Variants in HAVCR1 observed in about 807,000 individuals in gnomAD.
HAVCR1 encodes the protein T cell immunoglobin domain and mucin domain protein 1.
A neutral mutation model predicts 32.0 loss-of-function variants in HAVCR1; 34 were observed. The ratio of observed to expected loss-of-function variants is 1.06; its 90% CI spans 0.81 to 1.42. The LOEUF (loss-of-function observed/expected upper bound fraction) is 1.42. Among genes scored for constraint, HAVCR1 ranks in the 40% most tolerant of loss-of-function variants. The pLI is 0.00. For missense variants in HAVCR1, 420 were observed against 442.3 expected (o/e 0.95, Z 0.45); for synonymous variants, 178 against 170.3 (o/e 1.05, Z -0.35).
At chr5:157,044,473 AAGGAAGGAAGG>A (rs1561590458) in intron 5 of HAVCR1, among the ~76,000 whole-genome samples, 1,183 of 45,326 alleles carry the variant, frequency 0.026, 107 homozygotes, top group Middle Eastern at 0.043. Flanking sequence ...GAAAGAAAGG[AAGGAAGGAAGG>A]AAGGAAGGAA....
chr5:157,044,615 G>GAGAA (rs1554090477), intron 5 of HAVCR1, among the ~76,000 whole-genome samples: 609 of 52,626 alleles, frequency 0.012, 10 homozygotes, highest in South Asian at 0.017. Flanking sequence ...AAGAAAGAAA[G>GAGAA]AGAAAGAAAG....
chr5:157,046,752 C>A (rs116311546), intron 5 of HAVCR1, among the ~76,000 whole-genome samples: 3 of 152,080 alleles, frequency 2.0e-5, no homozygotes, highest in African/African-American at 7.2e-5. Context: ...GGGGAAGGGT[C>A]AAACAAGTTC....
In HAVCR1 at chr5:157,039,566, C is replaced by G. The variant is rs558420087; in HGVS notation, c.838-2205G>C. ...GTTTCATCATATTGGTCAGGCTGGTCTCAAACTCCTGACCTCAGGTGATCC... is the reference window on the plus strand; with the variant it reads ...GTTTCATCATATTGGTCAGGCTGGTGTCAAACTCCTGACCTCAGGTGATCC... On this transcript the variant is annotated intron_variant, in intron 6 of 8. Transcript: ENST00000523175. Among the ~76,000 whole-genome samples the G allele has an allele frequency of 1.1e-3, 163 of 152,300 alleles. 3 individuals carry two copies. The South Asian group carries it at 0.019, about 18-fold the overall frequency.
In HAVCR1 at chr5:157,052,348, A is replaced by C. The variant is rs1351704802; in HGVS notation, c.673+13T>G. On this transcript the variant is annotated intron_variant, in intron 4 of 8. Transcript: ENST00000523175. ...TTAGAAGGCCTTTGGGCTTCCAAAC[A>C]CATCTGTTTTACCTGGTTCATGGTT... 1.9e-6 allele frequency: 3 copies of C among 1,612,938 alleles called. No homozygotes were observed. Among genetic ancestry groups the C allele is most frequent in the South Asian group, 1.1e-5 (1 of 91,056 alleles).
At chr5:157,040,253 G>A (rs371833532) in intron 6 of HAVCR1, among the ~76,000 whole-genome samples, 97 of 151,818 alleles carry the variant, frequency 6.4e-4, no homozygotes, top group African/African-American at 2.1e-3. Flanking sequence ...AGCCAAGATC[G>A]CGCCATTGCC....
At chr5:157,047,377 C>T (rs182640574) in intron 5 of HAVCR1, among the ~76,000 whole-genome samples, 1 of 152,202 alleles carries the variant, frequency 6.6e-6, no homozygotes, top group East Asian at 1.9e-4. Flanking sequence ...CATGATGAAA[C>T]CCCATCTCTA....
chr5:157,061,838 T>C (rs113733334), upstream of HAVCR1, among the ~76,000 whole-genome samples: 2,143 of 151,888 alleles, frequency 0.014, 55 homozygotes, highest in African/African-American at 0.049. Context: ...GAAGAATGGG[T>C]GGAGGGTGTT....
intron 4 of HAVCR1, 98 bp downstream of exon 4, chr5:157,052,263 C>G (rs962830686): frequency 1.9e-6 from 2 of 1,058,692 alleles, no homozygotes; most frequent in Non-Finnish European, 1.4e-6. Context: ...AGGTAAGACC[C>G]CTCACTCTAG....
chr5:157,040,905 A>T (rs1269328618), intron 6 of HAVCR1, among the ~76,000 whole-genome samples: 8 of 152,082 alleles, frequency 5.3e-5, no homozygotes, highest in Admixed American at 5.2e-4. Context: ...TGTCTCAAAA[A>T]TAAATAAATA....
intron 6 of HAVCR1, among the ~76,000 whole-genome samples, chr5:157,042,214 G>A (rs1291180550): frequency 3.3e-5 from 5 of 151,924 alleles, no homozygotes; most frequent in East Asian, 1.9e-4. Context: ...ATCCCGAGGC[G>A]GGCGGATCAT....
the HAVCR1 span, among the ~76,000 whole-genome samples, chr5:157,067,131 T>A: frequency 6.6e-6 from 1 of 152,334 alleles, no homozygotes; most frequent in African/African-American, 2.4e-5. Flanking sequence ...CACTCAGGTA[T>A]CACTGGAAGT....
chr5:157,036,931 G>A (rs1461561196), intron 7 of HAVCR1, among the ~76,000 whole-genome samples: 1 of 151,546 alleles, frequency 6.6e-6, no homozygotes, highest in East Asian at 1.9e-4. Flanking sequence ...CCACCATGTT[G>A]TTCAGGCTAG....
At chr5:157,030,579 G>A (rs908653341) in intron 8 of HAVCR1, among the ~76,000 whole-genome samples, 1 of 151,090 alleles carries the variant, frequency 6.6e-6, no homozygotes, top group African/African-American at 2.4e-5. Flanking sequence ...CTTGAACCCA[G>A]GAGGTAGAGG....
intron 6 of HAVCR1, among the ~76,000 whole-genome samples, chr5:157,039,585 G>A (rs1754745120): frequency 1.3e-5 from 2 of 152,140 alleles, no homozygotes; most frequent in Non-Finnish European, 1.5e-5. Context: ...CTGACCTCAG[G>A]TGATCCACCT....
chr5:157,055,666 G>A, intron 2 of HAVCR1, 133 bp from the exon 3 acceptor site: 1 of 556,562 alleles, frequency 1.8e-6, no homozygotes, highest in Non-Finnish European at 3.2e-6. Flanking sequence ...AGGAGTTCAA[G>A]ACCAGCCTAG....
intron 1 of HAVCR1, 85 bp from the exon 2 acceptor site, chr5:157,058,040 T>C (rs1561606975): frequency 4.2e-6 from 4 of 944,412 alleles, no homozygotes; most frequent in Admixed American, 1.8e-5. Context: ...TTGCAACTTA[T>C]CTTTTCACCC....
At chr5:157,064,544 A>C in the HAVCR1 span, among the ~76,000 whole-genome samples, 2 of 152,058 alleles carry the variant, frequency 1.3e-5, no homozygotes. Context: ...CCACGGGAAG[A>C]GCTGGAGGTT....
In HAVCR1 at chr5:157,056,527, A is replaced by C. The variant is rs926874744; in HGVS notation, c.47-994T>G. Among the ~76,000 whole-genome samples, 10 of 151,716 alleles carry C rather than the reference A, an allele frequency of 6.6e-5. No homozygotes were observed. The East Asian group carries it at 7.8e-4, about 12-fold the overall frequency. ...CCCCAGCAGCTGAGACTACAGGCAC[A>C]CGCCGCCACGCCCGGCTAATTTTTT... On this transcript the variant is annotated intron_variant, in intron 2 of 8. Coordinates refer to ENST00000523175, the MANE Select transcript of HAVCR1 (RefSeq NM_001173393.3).
chr5:157,052,252 C>T (rs548916816), intron 4 of HAVCR1, 109 bp downstream of exon 4: 9 of 941,528 alleles, frequency 9.6e-6, no homozygotes, highest in East Asian at 4.8e-5. Flanking sequence ...GATTGAAACC[C>T]AGGTAAGACC....
Sources: allele counts gnomAD v4.1 joint callset (sites outside exome capture counted in the v4.1 genomes callset), GRCh38; gene constraint gnomAD v4.1.1; transcripts MANE v1.5; gene names NCBI Gene and HGNC (gene_info 2026-07-23, HGNC 2026-07-21).